Variants in ITFG1 observed in about 807,000 individuals in gnomAD.
The protein encoded by ITFG1 is T-cell immunomodulatory protein.
In ITFG1, 34 loss-of-function variants were observed where a neutral mutation model predicts 81.8. The observed-to-expected ratio is 0.42, with a 90% CI of 0.32 to 0.55. The LOEUF (loss-of-function observed/expected upper bound fraction) is 0.55. ITFG1 is among the 20% of genes least tolerant of loss of function. The pLI is 0.17. For missense variants in ITFG1, 672 were observed against 755.4 expected, an observed-to-expected ratio of 0.89 and a Z score of 1.29; for synonymous variants, 285 against 270.6, an observed-to-expected ratio of 1.05 and a Z score of -0.52.
At chr16:47,238,183 T>C (rs1043870681) in intron 12 of ITFG1, 175 bp from the exon 13 acceptor site, 2 of 504,318 alleles carry the variant, frequency 4.0e-6, no homozygotes, top group Non-Finnish European at 3.5e-6. Context: ...TTTATACCAA[T>C]ATTTCAAAAG....
In ITFG1 at chr16:47,155,730, C is replaced by T; in HGVS notation, c.1828G>A (p.Asp610Asn). 6.2e-7 allele frequency: 1 copy of T among 1,605,920 alleles called. No homozygotes were observed. Among genetic ancestry groups the T allele is most frequent in the Non-Finnish European group, 8.5e-7 (1 of 1,175,654 alleles). Residue 610 changes from aspartate to asparagine, a missense_variant, in exon 18 of 18, where the codon GAT becomes AAT. By Grantham distance (23) the Asp-to-Asn change is conservative. Transcript: ENST00000320640. ...ATATTAAAGGCAAGTCACATAGCAT[C>T]AAAATGAAACCGGTGGGCTTCTTGT... ...KRQEAHRFHFDAM is the reference protein window; with the variant it reads ...KRQEAHRFHFNAM
chr16:47,201,142 T>C (rs1965419753), intron 14 of ITFG1, among the ~76,000 whole-genome samples: 1 of 152,142 alleles, frequency 6.6e-6, no homozygotes, highest in South Asian at 2.1e-4. Context: ...AGAATAATTA[T>C]ACCATCTTTT....
chr16:47,163,829 C>T (rs117966360), intron 14 of ITFG1, among the ~76,000 whole-genome samples: 1 of 151,850 alleles, frequency 6.6e-6, no homozygotes, highest in Non-Finnish European at 1.5e-5. Flanking sequence ...AGTGGTATCT[C>T]ATTATGGTTT....
chr16:47,390,020 A>T (rs1968510871), intron 6 of ITFG1, among the ~76,000 whole-genome samples: 1 of 152,242 alleles, frequency 6.6e-6, no homozygotes, highest in African/African-American at 2.4e-5. Context: ...TATCGAATGC[A>T]AAGATTTTAG....
intron 13 of ITFG1, among the ~76,000 whole-genome samples, chr16:47,225,061 T>G (rs749861838): frequency 1.3e-5 from 2 of 152,020 alleles, no homozygotes; most frequent in Non-Finnish European, 2.9e-5. Flanking sequence ...CTGAAGAAAA[T>G]TATGAGAACA....
chr16:47,253,366 A>C (rs1966100479), intron 12 of ITFG1, among the ~76,000 whole-genome samples: 1 of 152,180 alleles, frequency 6.6e-6, no homozygotes, highest in Admixed American at 6.5e-5. Flanking sequence ...ATGTATACCT[A>C]GCTTCCACAT....
At chr16:47,219,955 G>A (rs1393737177) in intron 13 of ITFG1, among the ~76,000 whole-genome samples, 1 of 152,212 alleles carries the variant, frequency 6.6e-6, no homozygotes, top group Non-Finnish European at 1.5e-5. Context: ...ACATTTTTAT[G>A]TGGAAAGATG....
chr16:47,254,706 T>C (rs1191704391), intron 12 of ITFG1, among the ~76,000 whole-genome samples: 1 of 152,214 alleles, frequency 6.6e-6, no homozygotes, highest in African/African-American at 2.4e-5. Context: ...TACAGATTAA[T>C]ATCTCTTGCA....
chr16:47,347,929 C>A (rs1967883665), intron 8 of ITFG1, among the ~76,000 whole-genome samples: 1 of 152,234 alleles, frequency 6.6e-6, no homozygotes, highest in Admixed American at 6.5e-5. Flanking sequence ...GCAGCCTCCA[C>A]TGCTGATACC....
At chr16:47,377,358 C>T (rs1596942602) in intron 6 of ITFG1, among the ~76,000 whole-genome samples, 1 of 152,130 alleles carries the variant, frequency 6.6e-6, no homozygotes, top group South Asian at 2.1e-4. Flanking sequence ...TACTCATGCA[C>T]TCCCAATGAC....
chr16:47,345,457 C>T (rs111299767), intron 8 of ITFG1, among the ~76,000 whole-genome samples: 14 of 152,156 alleles, frequency 9.2e-5, no homozygotes, highest in African/African-American at 2.2e-4. Context: ...CGTGCCACCA[C>T]GCCTGGCTAT....
intron 12 of ITFG1, among the ~76,000 whole-genome samples, chr16:47,244,375 C>A (rs1965972231): frequency 6.6e-6 from 1 of 152,034 alleles, no homozygotes; most frequent in Non-Finnish European, 1.5e-5. Context: ...AGGGGCTGAG[C>A]CCTCAACCTA....
At position 47,429,019 on chromosome 16, in the gene ITFG1, A is replaced by G. The variant is rs1969060074; in HGVS notation, c.561-121T>C. The G allele has an allele frequency of 7.9e-6, 5 of 633,682 alleles. No homozygotes were observed. The Admixed American group carries it at 1.5e-4, about 19-fold the overall frequency. 39.3% of individuals were successfully genotyped at this position (633,682 alleles called of 1,614,324 possible). On this transcript the variant is annotated intron_variant, in intron 5 of 17. Coordinates refer to ENST00000320640, the MANE Select transcript of ITFG1 (RefSeq NM_030790.5). Reference sequence around the variant, plus strand: ...TTATTTTCATTGATATATTCAACATACAATTCATTCTCTTAAAGTGCAGTG... The same window carrying G: ...TTATTTTCATTGATATATTCAACATGCAATTCATTCTCTTAAAGTGCAGTG...
At chr16:47,301,998 A>G (rs1967083925) in intron 10 of ITFG1, among the ~76,000 whole-genome samples, 1 of 152,034 alleles carries the variant, frequency 6.6e-6, no homozygotes, top group Admixed American at 6.5e-5. Context: ...AGCCAACCAT[A>G]TAGATGTGAC....
At chr16:47,453,836 G>T (rs774902931) in intron 3 of ITFG1, among the ~76,000 whole-genome samples, 177 bp downstream of exon 3, 3 of 152,168 alleles carry the variant, frequency 2.0e-5, no homozygotes, top group Admixed American at 6.5e-5. Context: ...GTCAGTAGAA[G>T]TGATCCCTGC....
intron 8 of ITFG1, 100 bp from the exon 9 acceptor site, chr16:47,313,923 G>A: frequency 3.6e-6 from 2 of 554,636 alleles, no homozygotes; most frequent in South Asian, 3.2e-5. Flanking sequence ...ACATCAATCT[G>A]GATAAAACAG....
chr16:47,272,491 G>A (rs1384495979), intron 10 of ITFG1, among the ~76,000 whole-genome samples: 1 of 152,062 alleles, frequency 6.6e-6, no homozygotes, highest in Non-Finnish European at 1.5e-5. Flanking sequence ...TGCCTCCCAG[G>A]TAGAAGTGAT....
chr16:47,415,109 C>G (rs1303193931), intron 6 of ITFG1, among the ~76,000 whole-genome samples: 3 of 152,176 alleles, frequency 2.0e-5, no homozygotes, highest in South Asian at 2.1e-4. Context: ...CAGTTTCAAC[C>G]ATAAAAATCT....
chr16:47,326,317 C>T (rs564349600), intron 8 of ITFG1, among the ~76,000 whole-genome samples: 19 of 152,200 alleles, frequency 1.2e-4, no homozygotes, highest in East Asian at 7.7e-4. Flanking sequence ...ATTGATGGGA[C>T]GTATCTCAAA....
Sources: gnomAD v4.1 joint callset for allele counts (sites outside exome capture counted in the v4.1 genomes callset) on GRCh38, gnomAD v4.1.1 for gene constraint, MANE v1.5 for transcripts, NCBI Gene and HGNC (gene_info 2026-07-23, HGNC 2026-07-21) for gene names.